Variants in TMEM255A observed in about 807,000 individuals in gnomAD.
The protein encoded by TMEM255A is family with sequence similarity 70, member A.
In TMEM255A, 14 loss-of-function variants were observed where a neutral mutation model predicts 23.5. The ratio of observed to expected loss-of-function variants is 0.60; its 90% CI spans 0.39 to 0.93. TMEM255A has a LOEUF of 0.93. Among genes scored for constraint, TMEM255A ranks in the 40% least tolerant of loss-of-function variants. The probability of loss-of-function intolerance (pLI) is 0.00; values close to 1 mark genes in which losing one functional copy is unlikely to be tolerated. For synonymous variants in TMEM255A, 104 were observed against 100.3 expected (o/e 1.04, Z -0.22); for missense variants, 233 against 261.7 (o/e 0.89, Z 0.76).
intron 5 of TMEM255A, among the ~76,000 whole-genome samples, chrX:120,286,180 G>A (rs2057874286): frequency 8.9e-6 from 1 of 112,148 alleles, no homozygotes; most frequent in Middle Eastern, 4.2e-3. Flanking sequence ...TTGCCATGGT[G>A]CCTTTGGAGC....
chrX:120,254,707 G>T, downstream of TMEM255A: 1 of 1,211,859 alleles, frequency 8.3e-7, no homozygotes, highest in Non-Finnish European at 1.1e-6. Context: ...TCGACTGGTT[G>T]CAAGGTTTAT....
At chrX:120,274,568 C>T (rs192094476) in intron 7 of TMEM255A, among the ~76,000 whole-genome samples, 1 of 111,412 alleles carries the variant, frequency 9.0e-6, no homozygotes, top group East Asian at 2.8e-4. Flanking sequence ...TCCATCTAGC[C>T]ACTCTCCCTG....
intron 5 of TMEM255A, chrX:120,286,022 C>A: frequency 2.8e-6 from 2 of 707,511 alleles, no homozygotes; most frequent in Non-Finnish European, 4.0e-6. Flanking sequence ...GTCCTTCATC[C>A]AAATGCTTAC....
At chrX:120,262,204 C>T (rs1424397495) in intron 8 of TMEM255A, among the ~76,000 whole-genome samples, 1 of 111,101 alleles carries the variant, frequency 9.0e-6, no homozygotes, top group Non-Finnish European at 1.9e-5. Flanking sequence ...TCACGAGAAT[C>T]GCTTGAACCT....
intron 7 of TMEM255A, among the ~76,000 whole-genome samples, chrX:120,269,285 C>G (rs781997193): frequency 1.8e-5 from 2 of 112,032 alleles, no homozygotes; most frequent in East Asian, 5.6e-4. Context: ...GAAGTTACCA[C>G]TACTCATTAG....
intron 1 of TMEM255A, 123 bp from the exon 2 acceptor site, chrX:120,304,614 G>A: frequency 1.4e-6 from 1 of 737,030 alleles, no homozygotes; most frequent in Non-Finnish European, 2.0e-6. Flanking sequence ...TATCTTTGGT[G>A]GTGACGGGTG....
At chrX:120,284,874 A>G (rs1329650755) in intron 6 of TMEM255A, among the ~76,000 whole-genome samples, 1 of 111,888 alleles carries the variant, frequency 8.9e-6, no homozygotes, top group African/African-American at 3.3e-5. Flanking sequence ...TTTGAACTTC[A>G]CTCTCCTCAT....
chrX:120,306,157 T>G (rs1388290359), intron 1 of TMEM255A, among the ~76,000 whole-genome samples: 1 of 110,842 alleles, frequency 9.0e-6, no homozygotes, highest in African/African-American at 3.3e-5. Context: ...GACAAAAACA[T>G]AAAGGCCCAC....
intron 1 of TMEM255A, among the ~76,000 whole-genome samples, chrX:120,305,957 G>A (rs2058062481): frequency 9.0e-6 from 1 of 111,585 alleles, no homozygotes; most frequent in Non-Finnish European, 1.9e-5. Context: ...CGAAAATGAG[G>A]GATGTGACTC....
rs189994939 is a variant in TMEM255A at position 120,291,103 on chromosome X, C to T, written c.354+148G>A. On this transcript the variant is annotated intron_variant, in intron 4 of 8. Coordinates refer to ENST00000371369, the MANE Select transcript of TMEM255A (RefSeq NM_001104544.3). ...GTGTCCATTGGTGTCTTCACCTTGA[C>T]TGCCAACTCCTTGAGAAAAGGGACT... is the stretch of plus-strand genomic sequence containing the variant. 9.6e-4 allele frequency: 479 copies of T among 500,946 alleles called. 2 individuals carry two copies. Among genetic ancestry groups the T allele is most frequent in the Non-Finnish European group, 1.4e-3 (400 of 289,564 alleles). 41.3% of individuals were successfully genotyped at this position (500,946 alleles called of 1,213,427 possible).
chrX:120,257,349 T>C (rs782014405), downstream of TMEM255A: 5 of 122,769 alleles, frequency 4.1e-5, no homozygotes, highest in East Asian at 1.4e-3. Context: ...ATTTCACCAG[T>C]TAGACATAAT....
chrX:120,299,803 G>A (rs1556025597), intron 2 of TMEM255A, among the ~76,000 whole-genome samples: 1 of 112,120 alleles, frequency 8.9e-6, no homozygotes, highest in Non-Finnish European at 1.9e-5. Flanking sequence ...GAGCATTCAT[G>A]TTAATCAAAA....
chrX:120,275,454 A>C (rs1377539148), intron 7 of TMEM255A, among the ~76,000 whole-genome samples: 1 of 111,508 alleles, frequency 9.0e-6, no homozygotes, highest in Non-Finnish European at 1.9e-5. Context: ...CCCACCTTTC[A>C]CTTTCCAACA....
At chrX:120,278,113 C>A (rs1449576460) in intron 6 of TMEM255A, among the ~76,000 whole-genome samples, 1 of 105,329 alleles carries the variant, frequency 9.5e-6, no homozygotes, top group African/African-American at 3.5e-5. Flanking sequence ...GACTTCCCTA[C>A]TCCACGCCCC....
intron 4 of TMEM255A, among the ~76,000 whole-genome samples, chrX:120,288,218 C>T (rs918994826): frequency 8.9e-6 from 1 of 112,096 alleles, no homozygotes. Flanking sequence ...TGTGATTTAG[C>T]GTCTTTTGTA....
chrX:120,266,879 C>T (rs974155053), intron 8 of TMEM255A, among the ~76,000 whole-genome samples: 3 of 112,299 alleles, frequency 2.7e-5, no homozygotes, highest in African/African-American at 9.7e-5. Context: ...ATTTGGGTAA[C>T]AAGTTACCTG....
intron 2 of TMEM255A, among the ~76,000 whole-genome samples, chrX:120,300,502 C>T (rs1458405982): frequency 1.8e-5 from 2 of 108,267 alleles, no homozygotes; most frequent in East Asian, 5.8e-4. Context: ...ATCCTTCCAC[C>T]TTAGCCTCCC....
chrX:120,264,303 G>A (rs1448270470), intron 8 of TMEM255A, among the ~76,000 whole-genome samples: 1 of 111,855 alleles, frequency 8.9e-6, no homozygotes, highest in East Asian at 2.8e-4. Context: ...GTGTTGGACA[G>A]ATGAGCGAGG....
rs192102160 is a variant in TMEM255A, at chrX:120,262,011, C to T, written c.820-983G>A. Among the ~76,000 whole-genome samples, 264 of 111,900 alleles carry T rather than the reference C, an allele frequency of 2.4e-3. 3 individuals carry two copies. Among genetic ancestry groups the T allele is most frequent in the Admixed American group, 0.017 (178 of 10,553 alleles). On this transcript the variant is annotated intron_variant, in intron 8 of 8. Transcript: ENST00000371369. ...TGCTTTTAAAAAATAAAATCTAGGC[C>T]GGGCGCGGTGGCTAACGCCTGTAAT...
Sources: allele counts gnomAD v4.1 joint callset (sites outside exome capture counted in the v4.1 genomes callset), GRCh38; gene constraint gnomAD v4.1.1; transcripts MANE v1.5; gene names NCBI Gene and HGNC (gene_info 2026-07-23, HGNC 2026-07-21).